The following TMEM63C variants were observed in gnomAD, a reference collection of about 807,000 sequenced individuals.
The protein encoded by TMEM63C is transmembrane protein 63C, also known as osmosensitive cation channel TMEM63C.
Under a neutral mutation model 99.2 loss-of-function variants are expected in TMEM63C, and 32 were observed. That is an observed-to-expected ratio of 0.32 (90% confidence interval 0.24 to 0.43). The LOEUF is 0.43. TMEM63C is among the 20% of genes least tolerant of loss of function. The pLI, the probability that TMEM63C is intolerant of heterozygous loss-of-function variation, is 1.00. For synonymous variants in TMEM63C, 376 were observed against 397.9 expected (o/e 0.94, Z 0.66); for missense variants, 826 against 1,053.0 (o/e 0.78, Z 2.98).
At chr14:77,237,807 A>G (rs1300750271) in intron 9 of TMEM63C, among the ~76,000 whole-genome samples, 1 of 152,238 alleles carries the variant, frequency 6.6e-6, no homozygotes, top group Admixed American at 6.5e-5. Context: ...ACCAGCACCC[A>G]TGCTCTGCTG....
intron 1 of TMEM63C, among the ~76,000 whole-genome samples, chr14:77,193,664 G>A (rs1270719303): frequency 5.9e-5 from 9 of 152,156 alleles, no homozygotes; most frequent in East Asian, 1.9e-4. Context: ...GAGAAACCCC[G>A]TCTCTGTTAA....
intron 8 of TMEM63C, among the ~76,000 whole-genome samples, chr14:77,233,897 C>T (rs1888990187): frequency 6.6e-6 from 1 of 152,092 alleles, no homozygotes; most frequent in Admixed American, 6.6e-5. Flanking sequence ...CCTGACAGTC[C>T]CCCTCAGAGT....
chr14:77,218,696 G>A, intron 2 of TMEM63C, 105 bp from the exon 3 acceptor site: 3 of 1,221,760 alleles, frequency 2.5e-6, no homozygotes, highest in South Asian at 1.4e-5. Context: ...GGCCTAGCCT[G>A]GCCGAGGCAC....
chr14:77,248,852 GC>G lies in TMEM63C; in HGVS notation c.1854del (p.Ile619SerfsTer12). 1 of 1,614,012 alleles carries G rather than the reference GC, an allele frequency of 6.2e-7. No individual in the cohort carries two copies. Among genetic ancestry groups the G allele is most frequent in the Non-Finnish European group, 8.5e-7 (1 of 1,179,864 alleles). The stretch of plus-strand genomic sequence containing the variant: ...GTGGTGATGGCGTACAGCATCACTT[GC>G]CCCATCATTGTGCCTTTTGGTGAGT... ...FSVVMAYSIT[C>X]PIIVPFGLLY... On this transcript the variant is annotated frameshift_variant, in exon 20 of 24. Coordinates refer to ENST00000298351, the MANE Select transcript of TMEM63C (RefSeq NM_020431.4). LOFTEE classifies it high-confidence loss of function.
intron 1 of TMEM63C, among the ~76,000 whole-genome samples, chr14:77,182,283 TG>T (rs1887927446): frequency 6.6e-6 from 1 of 151,992 alleles, no homozygotes; most frequent in Non-Finnish European, 1.5e-5. Flanking sequence ...CCCGGGGCTC[TG>T]CCGCCCACTC....
chr14:77,207,208 G>C (rs1191149105), intron 1 of TMEM63C, among the ~76,000 whole-genome samples: 1 of 152,250 alleles, frequency 6.6e-6, no homozygotes. Flanking sequence ...ATCTCTGTGG[G>C]GGTCCCAGAG....
intron 23 of TMEM63C, among the ~76,000 whole-genome samples, chr14:77,253,807 C>T (rs756897618): frequency 9.9e-5 from 15 of 152,212 alleles, no homozygotes; most frequent in Non-Finnish European, 2.2e-4. Context: ...AAGGCAGGGA[C>T]GCCGAAATGA....
In TMEM63C at chr14:77,246,032, T is replaced by C; in HGVS notation, c.1535+6T>C. On this transcript the variant is annotated splice_donor_region_variant and intron_variant, in intron 17 of 23. Coordinates refer to ENST00000298351, the MANE Select transcript of TMEM63C (RefSeq NM_020431.4). ...CCCTCTATGGGACTGACCAGGTACC[T>C]CACTTCCAATTATCCCTTCCTTCTT... The C allele has an allele frequency of 1.9e-6, 3 of 1,604,612 alleles. No homozygotes were observed. Among genetic ancestry groups the C allele is most frequent in the East Asian group, 2.2e-5 (1 of 44,832 alleles).
chr14:77,196,091 C>T (rs929270915), intron 1 of TMEM63C: 1 of 152,832 alleles, frequency 6.5e-6, no homozygotes, highest in Non-Finnish European at 1.5e-5. Flanking sequence ...GAGCCTCCCT[C>T]GGGGTCAGGA....
chr14:77,228,034 T>C (rs891745778), intron 6 of TMEM63C, among the ~76,000 whole-genome samples: 2 of 152,006 alleles, frequency 1.3e-5, no homozygotes, highest in Non-Finnish European at 2.9e-5. Context: ...CGCAGGTGCA[T>C]GCAGAGAGAG....
chr14:77,253,191 T>G, intron 22 of TMEM63C, 114 bp from the exon 23 acceptor site: 18 of 886,260 alleles, frequency 2.0e-5, no homozygotes, highest in Non-Finnish European at 3.1e-5. Context: ...AGACAGAAGA[T>G]GAGTTGAGTT....
At chr14:77,242,659 C>A (rs1330484744) in intron 14 of TMEM63C, among the ~76,000 whole-genome samples, 190 bp downstream of exon 14, 2 of 152,170 alleles carry the variant, frequency 1.3e-5, no homozygotes, top group East Asian at 1.9e-4. Context: ...TGGCATCCAA[C>A]CCTTAGCAAA....
Position 77,186,673 on chromosome 14 carries a change from A to G in TMEM63C, c.-77+4779A>G, listed in dbSNP as rs1295924332. Among the ~76,000 whole-genome samples, 3 of 152,338 alleles carry G rather than the reference A, an allele frequency of 2.0e-5. No homozygotes were observed. The East Asian group carries it at 5.8e-4, about 29-fold the overall frequency. On this transcript the variant is annotated intron_variant, in intron 1 of 23. Transcript: ENST00000298351. ...ACCACTGCACTCCAGCCCAGACGACAGAGCAAGACCTTGTCTCAAAAAACA... is the reference window on the plus strand; with the variant it reads ...ACCACTGCACTCCAGCCCAGACGACGGAGCAAGACCTTGTCTCAAAAAACA...
At chr14:77,244,589 C>T in intron 16 of TMEM63C, 134 bp downstream of exon 16, 1 of 694,008 alleles carries the variant, frequency 1.4e-6, no homozygotes, top group Non-Finnish European at 2.5e-6. Flanking sequence ...GGTTTTGATA[C>T]CTGAAACCAT....
At chr14:77,222,890 A>G (rs1888750514) in intron 5 of TMEM63C, among the ~76,000 whole-genome samples, 1 of 152,240 alleles carries the variant, frequency 6.6e-6, no homozygotes, top group East Asian at 1.9e-4. Flanking sequence ...CTGCAAGATC[A>G]GTCTAGTGTG....
chr14:77,219,765 G>A (rs1294590458), intron 4 of TMEM63C, among the ~76,000 whole-genome samples, 188 bp downstream of exon 4: 2 of 152,194 alleles, frequency 1.3e-5, no homozygotes, highest in East Asian at 3.9e-4. Context: ...ACAAGGCCGT[G>A]TTTTTCTCTG....
chr14:77,206,119 C>T (rs186966009), intron 1 of TMEM63C, among the ~76,000 whole-genome samples: 1 of 152,238 alleles, frequency 6.6e-6, no homozygotes, highest in East Asian at 1.9e-4. Context: ...CTGGAGGCTA[C>T]CATTTCTCTT....
chr14:77,230,086 C>G (rs1003742740), intron 6 of TMEM63C, among the ~76,000 whole-genome samples: 2 of 151,986 alleles, frequency 1.3e-5, no homozygotes, highest in Non-Finnish European at 2.9e-5. Context: ...CCTATAGTCC[C>G]AGCTGCTCGG....
In TMEM63C at chr14:77,239,737, T is replaced by C. The variant is rs1271279421; in HGVS notation, c.930+11T>C. 1 of 1,612,418 alleles carries C rather than the reference T, an allele frequency of 6.2e-7. No individual in the cohort carries two copies. Among genetic ancestry groups the C allele is most frequent in the Non-Finnish European group, 8.5e-7 (1 of 1,179,464 alleles). On this transcript the variant is annotated intron_variant, in intron 12 of 23. Transcript: ENST00000298351. ...ACCTGCTTCAAGGAGGTAACTGGCT[T>C]GAGCGTTGGGAGCACAGCAAGGGAG... is the stretch of plus-strand genomic sequence containing the variant.
Sources: allele counts gnomAD v4.1 joint callset (sites outside exome capture counted in the v4.1 genomes callset), GRCh38; gene constraint gnomAD v4.1.1; transcripts MANE v1.5; gene names NCBI Gene and HGNC (gene_info 2026-07-23, HGNC 2026-07-21).